POTEJ: variants seen among roughly 807,000 people sequenced by gnomAD.
POTEJ encodes POTE ankyrin domain family member J, also known as POTE ankyrin domain family, member J.
Under a neutral mutation model 69.0 loss-of-function variants are expected in POTEJ, and 11 were observed. The ratio of observed to expected loss-of-function variants is 0.16; its 90% CI spans 0.10 to 0.26. The LOEUF (loss-of-function observed/expected upper bound fraction) is 0.26. Among genes scored for constraint, POTEJ ranks in the 10% least tolerant of loss-of-function variants. The probability of loss-of-function intolerance (pLI) is 1.00; values close to 1 mark genes in which losing one functional copy is unlikely to be tolerated. For missense variants in POTEJ, 327 were observed against 1,045.5 expected (o/e 0.31, Z 9.48); for synonymous variants, 117 against 381.1 (o/e 0.31, Z 8.07).
At chr2:130,625,364 A>G (rs1447608808) in intron 6 of POTEJ, among the ~76,000 whole-genome samples, 1 of 151,954 alleles carries the variant, frequency 6.6e-6, no homozygotes, top group Non-Finnish European at 1.5e-5. Context: ...AATTAAAAAT[A>G]CAGACAGGAG....
At chr2:130,631,809 A>G (rs1573980538) in intron 8 of POTEJ, among the ~76,000 whole-genome samples, 1 of 142,840 alleles carries the variant, frequency 7.0e-6, no homozygotes, top group Middle Eastern at 3.5e-3. Context: ...TTCCAGCTAG[A>G]TAATTGTATG....
chr2:130,637,448 G>A (rs892402317), intron 9 of POTEJ, among the ~76,000 whole-genome samples: 1 of 149,754 alleles, frequency 6.7e-6, no homozygotes, highest in Non-Finnish European at 1.5e-5. Flanking sequence ...GCTGGCCCTC[G>A]CATAAGGCGG....
At chr2:130,618,045 A>G (rs1264803506) in intron 3 of POTEJ, among the ~76,000 whole-genome samples, 1 of 152,054 alleles carries the variant, frequency 6.6e-6, no homozygotes, top group Admixed American at 6.5e-5. Flanking sequence ...CTGACTTAGT[A>G]TCCTATTCTG....
intron 7 of POTEJ, among the ~76,000 whole-genome samples, chr2:130,630,967 T>A (rs1475852623): frequency 6.9e-6 from 1 of 144,098 alleles, no homozygotes; most frequent in Non-Finnish European, 1.5e-5. Context: ...AGAAAAGCAC[T>A]TCAGTGCACT....
At chr2:130,626,852 T>C (rs1302348813) in intron 6 of POTEJ, among the ~76,000 whole-genome samples, 1 of 152,194 alleles carries the variant, frequency 6.6e-6, no homozygotes, top group Admixed American at 6.5e-5. Flanking sequence ...TTATGCTTTT[T>C]TCATTTGTTT....
At chr2:130,655,257 C>T (rs1384395538) in intron 14 of POTEJ, among the ~76,000 whole-genome samples, 1 of 152,086 alleles carries the variant, frequency 6.6e-6, no homozygotes, top group Non-Finnish European at 1.5e-5. Context: ...GCACAATGGC[C>T]TCAATCCAAA....
At chr2:130,613,265 CATATATATACATAT>C (rs1558915448) in intron 1 of POTEJ, among the ~76,000 whole-genome samples, 800 of 58,274 alleles carry the variant, frequency 0.014, 32 homozygotes, top group African/African-American at 0.11. Context: ...CACATATATA[CATATATATACATAT>C]GTATATATAC....
rs1250207667 is a variant in POTEJ, at chr2:130,656,632, G to T, written c.1872G>T (p.Glu624Asp). The change falls in exon 15 of 15, where the codon GAG becomes GAT. Residue 624 changes from glutamate (E) to aspartate (D), a missense_variant. Coordinates refer to ENST00000409602, the MANE Select transcript of POTEJ (RefSeq NM_001277083.2). Reference sequence around the variant, plus strand: ...AAGAAATTGCCATGCTAAGACTGGAGCTAGACACAATGAAACATCAGAGCC... The same window carrying T: ...AAGAAATTGCCATGCTAAGACTGGATCTAGACACAATGAAACATCAGAGCC... The part of the protein sequence containing the change: ...LREEIAMLRL[E>D]LDTMKHQSQL... The T allele has an allele frequency of 6.2e-7, 1 of 1,609,986 alleles. No homozygotes were observed. Among genetic ancestry groups the T allele is most frequent in the African/African-American group, 1.4e-5 (1 of 72,962 alleles).
chr2:130,626,972 G>A (rs1447330810), intron 6 of POTEJ, among the ~76,000 whole-genome samples: 1 of 152,168 alleles, frequency 6.6e-6, no homozygotes, highest in Admixed American at 6.5e-5. Context: ...GGAATATAAA[G>A]CAGAGGCAGA....
At chr2:130,643,525 A>AAAAAAAG (rs1558929733) in intron 10 of POTEJ, among the ~76,000 whole-genome samples, 1 of 143,176 alleles carries the variant, frequency 7.0e-6, no homozygotes, top group African/African-American at 2.6e-5. Context: ...CATTAAAAAA[A>AAAAAAAG]AAAAAAGAAA....
At chr2:130,623,955 G>T (rs1573973229) in intron 5 of POTEJ, 109 bp from the exon 6 acceptor site, 1 of 1,054,204 alleles carries the variant, frequency 9.5e-7, no homozygotes, top group East Asian at 2.8e-5. Context: ...ATACTATTAA[G>T]TTCTGATATT....
At chr2:130,614,224 TGAA>T (rs1378091219) in intron 1 of POTEJ, among the ~76,000 whole-genome samples, 2 of 152,222 alleles carry the variant, frequency 1.3e-5, no homozygotes, top group African/African-American at 4.8e-5. Context: ...TTTGTGAGGA[TGAA>T]GAACAGTGGT....
Position 130,657,479 on chromosome 2 carries a change from G to C in POTEJ, c.2719G>C (p.Asp907His), listed in dbSNP as rs765064482. ...CCTAGAGAAGAGCTACGAGCTGCCC[G>C]ATGGCCAGGTCATCACCATCAGCAA... Reference protein sequence around the residue: ...SSLEKSYELPDGQVITISNEW... With the variant: ...SSLEKSYELPHGQVITISNEW... The change falls in exon 15 of 15, where the codon GAT becomes CAT. Residue 907 changes from aspartate to histidine, a missense_variant. Transcript: ENST00000409602. 9 of 1,575,470 alleles carry C rather than the reference G, an allele frequency of 5.7e-6. No individual in the cohort carries two copies. In the South Asian group the frequency reaches 9.9e-5, roughly 17 times the overall value.
At chr2:130,654,694 G>A (rs572839444) in intron 13 of POTEJ, among the ~76,000 whole-genome samples, 1 of 144,282 alleles carries the variant, frequency 6.9e-6, no homozygotes, top group South Asian at 2.1e-4. Context: ...AATCATCCTG[G>A]AACCATCCCC....
At chr2:130,613,305 T>C (rs1379941264) in intron 1 of POTEJ, among the ~76,000 whole-genome samples, 38 of 104,984 alleles carry the variant, frequency 3.6e-4, no homozygotes, top group African/African-American at 8.2e-4. Flanking sequence ...TATACATATG[T>C]ATATATACAT....
intron 7 of POTEJ, among the ~76,000 whole-genome samples, chr2:130,630,959 A>G (rs1685875442): frequency 6.9e-6 from 1 of 144,102 alleles, no homozygotes; most frequent in African/African-American, 2.8e-5. Flanking sequence ...AATCTTTTAG[A>G]AAAGCACTTC....
intron 10 of POTEJ, among the ~76,000 whole-genome samples, chr2:130,640,888 A>C (rs545876645): frequency 6.6e-6 from 1 of 152,302 alleles, no homozygotes; most frequent in East Asian, 1.9e-4. Flanking sequence ...ATAGGGAGCC[A>C]ACAATGTGTG....
At chr2:130,643,101 G>T (rs1686452142) in intron 10 of POTEJ, among the ~76,000 whole-genome samples, 1 of 147,470 alleles carries the variant, frequency 6.8e-6, no homozygotes, top group East Asian at 1.9e-4. Context: ...ACATGTGGAG[G>T]AATAATGTAC....
intron 1 of POTEJ, among the ~76,000 whole-genome samples, chr2:130,614,557 G>C (rs1465727779): frequency 1.3e-5 from 2 of 148,692 alleles, no homozygotes; most frequent in African/African-American, 5.1e-5. Context: ...AAAAAAATCA[G>C]TTTGTTACAC....
Sources: gnomAD v4.1 joint callset for allele counts (sites outside exome capture counted in the v4.1 genomes callset) on GRCh38, gnomAD v4.1.1 for gene constraint, MANE v1.5 for transcripts, NCBI Gene and HGNC (gene_info 2026-07-23, HGNC 2026-07-21) for gene names.